The following VPS13A variants were observed in gnomAD, a reference collection of about 807,000 sequenced individuals.
VPS13A encodes the protein vacuolar protein sorting 13 homolog A, also known as intermembrane lipid transfer protein VPS13A.
In VPS13A, 264 loss-of-function variants were observed where a neutral mutation model predicts 390.9. The ratio of observed to expected loss-of-function variants is 0.68; its 90% CI spans 0.61 to 0.75. The LOEUF is 0.75. Ranked by LOEUF, VPS13A falls within the 30% of genes least tolerant of loss-of-function variation. The probability of loss-of-function intolerance (pLI) is 0.00; values close to 1 mark genes in which losing one functional copy is unlikely to be tolerated. For missense variants in VPS13A, 3,409 were observed against 3,733.9 expected (o/e 0.91, Z 2.27); for synonymous variants, 1,231 against 1,227.1 (o/e 1.00, Z -0.07).
At chr9:77,269,795 C>A (rs1826246464) in intron 23 of VPS13A, among the ~76,000 whole-genome samples, 1 of 152,072 alleles carries the variant, frequency 6.6e-6, no homozygotes, top group Non-Finnish European at 1.5e-5. Flanking sequence ...ATATTGAACC[C>A]TAATTCTGCT....
intron 20 of VPS13A, among the ~76,000 whole-genome samples, chr9:77,248,787 G>A (rs556051202): frequency 1.6e-4 from 25 of 151,936 alleles, no homozygotes; most frequent in Middle Eastern, 6.8e-3. Context: ...GCTGGAGTGC[G>A]GTGGCGTGAT....
At chr9:77,270,741 T>C (rs1826305077) in intron 23 of VPS13A, among the ~76,000 whole-genome samples, 1 of 152,186 alleles carries the variant, frequency 6.6e-6, no homozygotes, top group Non-Finnish European at 1.5e-5. Flanking sequence ...GTTTGATTTA[T>C]TACAAAGATG....
intron 46 of VPS13A, among the ~76,000 whole-genome samples, chr9:77,336,571 TTA>T (rs1478578729): frequency 1.3e-5 from 2 of 152,094 alleles, no homozygotes; most frequent in Non-Finnish European, 2.9e-5. Context: ...TTATTTCCTT[TTA>T]GGCCCATGTA....
At chr9:77,332,222 A>G in intron 46 of VPS13A, 109 bp downstream of exon 46, 1 of 851,072 alleles carries the variant, frequency 1.2e-6, no homozygotes, top group Non-Finnish European at 2.0e-6. Context: ...TAGCTTATCT[A>G]ACGTATTTAG....
intron 71 of VPS13A, among the ~76,000 whole-genome samples, chr9:77,409,249 G>A (rs1277033130): frequency 3.3e-5 from 5 of 152,228 alleles, no homozygotes; most frequent in Admixed American, 2.6e-4. Context: ...CTGTTTGTTA[G>A]AAGGAAAACT....
chr9:77,362,666 C>G (rs947544153), intron 59 of VPS13A, among the ~76,000 whole-genome samples: 4 of 152,174 alleles, frequency 2.6e-5, no homozygotes, highest in Admixed American at 2.0e-4. Flanking sequence ...AGCTGGACAT[C>G]TGATAGAGAC....
chr9:77,253,936 C>CTTTTTTT (rs1172781069), intron 22 of VPS13A, among the ~76,000 whole-genome samples: 7 of 55,062 alleles, frequency 1.3e-4, no homozygotes, highest in Non-Finnish European at 1.8e-4. Context: ...GGCCTTTATT[C>CTTTTTTT]TTTTTTTTTT....
intron 27 of VPS13A, among the ~76,000 whole-genome samples, chr9:77,280,803 A>T (rs1826972370): frequency 6.6e-6 from 1 of 152,158 alleles, no homozygotes; most frequent in East Asian, 1.9e-4. Flanking sequence ...CTTTAAAACC[A>T]TTTTTGCTAT....
In VPS13A at chr9:77,339,915, T is replaced by A; in HGVS notation, c.6774+4T>A. 1.2e-6 allele frequency: 2 copies of A among 1,608,506 alleles called. No individual in the cohort carries two copies. Among genetic ancestry groups the A allele is most frequent in the Non-Finnish European group, 1.7e-6 (2 of 1,179,782 alleles). On this transcript the variant is annotated splice_donor_region_variant and intron_variant, in intron 48 of 71. Coordinates refer to ENST00000360280, the MANE Select transcript of VPS13A (RefSeq NM_033305.3). Reference sequence around the variant, plus strand: ...TCACTTTTTTAATAACAATAAGGTATGCGATGTTTATTCTGTTTTTCCCTT... The same window carrying A: ...TCACTTTTTTAATAACAATAAGGTAAGCGATGTTTATTCTGTTTTTCCCTT...
intron 3 of VPS13A, among the ~76,000 whole-genome samples, chr9:77,204,800 G>A (rs1242075082): frequency 6.6e-6 from 1 of 151,960 alleles, no homozygotes; most frequent in Non-Finnish European, 1.5e-5. Flanking sequence ...AATTTTTTTA[G>A]TTTTTATTCA....
chr9:77,221,819 T>G (rs1324170480), intron 13 of VPS13A, among the ~76,000 whole-genome samples: 2 of 152,124 alleles, frequency 1.3e-5, no homozygotes, highest in Non-Finnish European at 2.9e-5. Flanking sequence ...TGCCTTTATC[T>G]CTCTACCTAC....
At chr9:77,239,274 T>G (rs939873704) in intron 19 of VPS13A, among the ~76,000 whole-genome samples, 16 of 152,048 alleles carry the variant, frequency 1.1e-4, no homozygotes, top group Admixed American at 6.6e-5. Context: ...GGTCAGAGTT[T>G]GAGACCAGCC....
At chr9:77,382,220 ATTTAC>A (rs1746211922) in intron 68 of VPS13A, 133 bp downstream of exon 68, 1 of 1,382,478 alleles carries the variant, frequency 7.2e-7, no homozygotes, top group Admixed American at 2.9e-5. Flanking sequence ...AGTTTCTTAT[ATTTAC>A]TTAGATTTTA....
chr9:77,410,277 A>C (rs981499260), intron 71 of VPS13A, among the ~76,000 whole-genome samples: 2 of 152,186 alleles, frequency 1.3e-5, no homozygotes, highest in African/African-American at 2.4e-5. Context: ...GCCTGCCCTA[A>C]AAGAGCTCCT....
intron 22 of VPS13A, among the ~76,000 whole-genome samples, chr9:77,259,581 G>C (rs185069000): frequency 1.3e-5 from 2 of 152,128 alleles, no homozygotes; most frequent in African/African-American, 4.8e-5. Context: ...CTCTCTCAAA[G>C]GAGACTGTCA....
rs1443346614 is a variant in VPS13A, at chr9:77,360,399, T to G, written c.8106-137T>G. On this transcript the variant is annotated intron_variant, in intron 58 of 71. Coordinates refer to ENST00000360280, the MANE Select transcript of VPS13A (RefSeq NM_033305.3). ...GCTGTTATTAACAGTGTTCCATGAT[T>G]TTTTAAAATTTAGTCAACTAAATAG... The G allele has an allele frequency of 1.9e-5, 12 of 645,028 alleles. No homozygotes were observed. The East Asian group carries it at 3.4e-4, about 19-fold the overall frequency. The allele number at this position is 645,028 out of a possible 1,614,324, so 40.0% of individuals were successfully genotyped here.
At chr9:77,192,517 C>A (rs1459010015) in intron 1 of VPS13A, among the ~76,000 whole-genome samples, 1 of 152,082 alleles carries the variant, frequency 6.6e-6, no homozygotes, top group Non-Finnish European at 1.5e-5. Context: ...CCTTAAGGAC[C>A]TCTTAAAAGG....
chr9:77,303,565 C>T (rs1206756693), intron 34 of VPS13A, among the ~76,000 whole-genome samples: 2 of 152,106 alleles, frequency 1.3e-5, no homozygotes, highest in Non-Finnish European at 2.9e-5. Flanking sequence ...CACCAAGGAC[C>T]TGCACTGGCA....
intron 10 of VPS13A, among the ~76,000 whole-genome samples, chr9:77,216,743 G>T (rs1822888483): frequency 6.6e-6 from 1 of 152,130 alleles, no homozygotes; most frequent in East Asian, 1.9e-4. Flanking sequence ...ATGATCACAA[G>T]GTGAGATCCC....
Sources: gnomAD v4.1 joint callset for allele counts (sites outside exome capture counted in the v4.1 genomes callset) on GRCh38, gnomAD v4.1.1 for gene constraint, MANE v1.5 for transcripts, NCBI Gene and HGNC (gene_info 2026-07-23, HGNC 2026-07-21) for gene names.